Variants in NEBL observed in about 807,000 individuals in gnomAD.
The protein encoded by NEBL is nebulette.
Under a neutral mutation model 140.2 loss-of-function variants are expected in NEBL, and 122 were observed. That is an observed-to-expected ratio of 0.87 (90% CI 0.75 to 1.01). The LOEUF (loss-of-function observed/expected upper bound fraction) is 1.01. Ranked by LOEUF, NEBL falls within the 50% of genes least tolerant of loss-of-function variation. The pLI, the probability that NEBL is intolerant of heterozygous loss-of-function variation, is 0.00. For missense variants in NEBL, 1,365 were observed against 1,231.3 expected (o/e 1.11, Z -1.62); for synonymous variants, 436 against 398.9 (o/e 1.09, Z -1.11).
chr10:20,879,507 G>A (rs1845819816), intron 5 of NEBL, among the ~76,000 whole-genome samples: 1 of 152,178 alleles, frequency 6.6e-6, no homozygotes, highest in Admixed American at 6.5e-5. Context: ...GGGTTAAAAC[G>A]TAAAACCTCA....
At chr10:20,922,650 G>A (rs1036413847) in intron 4 of NEBL, among the ~76,000 whole-genome samples, 1 of 152,214 alleles carries the variant, frequency 6.6e-6, no homozygotes, top group Non-Finnish European at 1.5e-5. Context: ...ACGCAATGTA[G>A]GATAACTTAT....
At chr10:21,256,739 G>T (rs1305997531) in intron 1 of NEBL, among the ~76,000 whole-genome samples, 1 of 152,162 alleles carries the variant, frequency 6.6e-6, no homozygotes, top group Non-Finnish European at 1.5e-5. Context: ...ACTGATACAG[G>T]AGGATCCAGA....
chr10:21,147,925 C>A (rs1839971476), intron 2 of NEBL, among the ~76,000 whole-genome samples: 1 of 152,186 alleles, frequency 6.6e-6, no homozygotes, highest in African/African-American at 2.4e-5. Flanking sequence ...TATTTATCAC[C>A]ATGCCAAGCA....
intron 26 of NEBL, among the ~76,000 whole-genome samples, chr10:20,791,673 G>A (rs746834857): frequency 1.3e-4 from 20 of 152,118 alleles, no homozygotes; most frequent in Non-Finnish European, 2.5e-4. Flanking sequence ...GGGATTATGG[G>A]CGTGAGCACT....
intron 2 of NEBL, among the ~76,000 whole-genome samples, chr10:21,106,630 A>G (rs984894256): frequency 3.9e-5 from 6 of 151,990 alleles, no homozygotes. Flanking sequence ...GATGCCTCCC[A>G]CTTTGTTCTT....
At chr10:21,194,019 A>G (rs970499427) in intron 3 of NEBL, among the ~76,000 whole-genome samples, 4 of 152,160 alleles carry the variant, frequency 2.6e-5, no homozygotes, top group African/African-American at 9.7e-5. Context: ...CTGTTGCCCA[A>G]GCTAGAGTAC....
At position 20,815,345 on chromosome 10, in the gene NEBL, C is replaced by T. The variant is rs573038496; in HGVS notation, c.2241+280G>A. Among the ~76,000 whole-genome samples, 250 of 152,250 alleles carry T rather than the reference C, an allele frequency of 1.6e-3. 1 individual carries two copies. The highest frequency in any genetic ancestry group is 5.9e-3 in the African/African-American group (244 of 41,536). On this transcript the variant is annotated intron_variant, in intron 22 of 27. Transcript: ENST00000377122. Reference sequence around the variant, plus strand: ...AAAGGCTTTACCACCTTCAAAGACACGGCTAACATATCATGAATCGTTGTT... The same window carrying T: ...AAAGGCTTTACCACCTTCAAAGACATGGCTAACATATCATGAATCGTTGTT...
At chr10:20,975,539 A>G (rs1048954413) in intron 3 of NEBL, among the ~76,000 whole-genome samples, 2 of 152,158 alleles carry the variant, frequency 1.3e-5, no homozygotes, top group Non-Finnish European at 2.9e-5. Flanking sequence ...TGTATGTTTC[A>G]TTTCTTTAAA....
intron 3 of NEBL, among the ~76,000 whole-genome samples, chr10:21,183,907 G>A (rs1841424316): frequency 6.6e-6 from 1 of 152,086 alleles, no homozygotes; most frequent in Admixed American, 6.5e-5. Context: ...GAGATCTGAT[G>A]GTTTTATTAA....
chr10:20,823,699 T>C (rs1414233405), intron 18 of NEBL, among the ~76,000 whole-genome samples: 3 of 152,156 alleles, frequency 2.0e-5, no homozygotes, highest in Non-Finnish European at 4.4e-5. Context: ...AAAAGTCAAA[T>C]TGATTTAGCC....
chr10:20,897,742 T>C (rs1208563548), upstream of NEBL: 2 of 177,828 alleles, frequency 1.1e-5, no homozygotes, highest in South Asian at 1.8e-4. Context: ...CTAAATTATA[T>C]GTTTTATCAG....
At chr10:20,827,287 G>A (rs766368625) in intron 17 of NEBL, among the ~76,000 whole-genome samples, 1 of 152,178 alleles carries the variant, frequency 6.6e-6, no homozygotes, top group Non-Finnish European at 1.5e-5. Flanking sequence ...TTCCTCCAAA[G>A]GCTAGAACTA....
chr10:21,230,371 A>ATGGGAGAAAGTAAC (rs1438775021), intron 3 of NEBL, among the ~76,000 whole-genome samples: 1 of 152,178 alleles, frequency 6.6e-6, no homozygotes, highest in African/African-American at 2.4e-5. Flanking sequence ...AGCACATTAC[A>ATGGGAGAAAGTAAC]TGGGAGAAAG....
At chr10:21,076,229 G>A (rs1418758404) in intron 2 of NEBL, among the ~76,000 whole-genome samples, 3 of 151,980 alleles carry the variant, frequency 2.0e-5, no homozygotes, top group Non-Finnish European at 2.9e-5. Context: ...GATCACCTGA[G>A]ATTAGGGGTT....
chr10:20,846,999 A>T (rs1295456020), intron 11 of NEBL, among the ~76,000 whole-genome samples: 1 of 152,186 alleles, frequency 6.6e-6, no homozygotes, highest in Admixed American at 6.6e-5. Context: ...TGATAAACTT[A>T]ATTATAGGCC....
chr10:21,099,966 A>AAAAAT (rs758020281), intron 2 of NEBL, among the ~76,000 whole-genome samples: 2 of 152,204 alleles, frequency 1.3e-5, no homozygotes, highest in Non-Finnish European at 2.9e-5. Context: ...AGAGTTGCAA[A>AAAAAT]AAAATAAAAT....
intron 4 of NEBL, among the ~76,000 whole-genome samples, chr10:20,946,121 A>C (rs569955741): frequency 6.6e-6 from 1 of 152,182 alleles, no homozygotes; most frequent in African/African-American, 2.4e-5. Flanking sequence ...TGCACAGATG[A>C]TTGACAGGCC....
rs1837848979 is a variant in NEBL, at chr10:20,808,677, T to C, written c.2612-18A>G. 1.2e-6 allele frequency: 2 copies of C among 1,607,538 alleles called. No individual in the cohort carries two copies. Among genetic ancestry groups the C allele is most frequent in the Non-Finnish European group, 1.7e-6 (2 of 1,174,766 alleles). The stretch of plus-strand genomic sequence containing the variant: ...CGCCTTTTCTATATTGGAGGGAAAA[T>C]ATTTACACGTGTGATTAAGTGACTC... On this transcript the variant is annotated intron_variant, in intron 25 of 27. Coordinates refer to ENST00000377122, the MANE Select transcript of NEBL (RefSeq NM_006393.3).
intron 4 of NEBL, among the ~76,000 whole-genome samples, chr10:20,960,049 T>C (rs1835982780): frequency 6.6e-6 from 1 of 152,064 alleles, no homozygotes; most frequent in Admixed American, 6.6e-5. Context: ...TAATTAAACA[T>C]GAATATTGAC....
Sources: gnomAD v4.1 joint callset for allele counts (sites outside exome capture counted in the v4.1 genomes callset) on GRCh38, gnomAD v4.1.1 for gene constraint, MANE v1.5 for transcripts, NCBI Gene and HGNC (gene_info 2026-07-23, HGNC 2026-07-21) for gene names.